The following FHIP2A variants were observed in gnomAD, a reference collection of about 807,000 sequenced individuals.
The protein encoded by FHIP2A is family with sequence similarity 160 member B1.
FHIP2A carries 46 observed loss-of-function variants against 93.5 expected under a neutral mutation model. The ratio of observed to expected loss-of-function variants is 0.49; its 90% CI spans 0.39 to 0.63. The LOEUF (loss-of-function observed/expected upper bound fraction) is 0.63. Ranked by LOEUF, FHIP2A falls within the 20% of genes least tolerant of loss-of-function variation. The probability of loss-of-function intolerance (pLI) is 0.00; values close to 1 mark genes in which losing one functional copy is unlikely to be tolerated. For missense variants in FHIP2A, 769 were observed against 909.7 expected, an observed-to-expected ratio of 0.85 and a Z score of 1.99; for synonymous variants, 332 against 326.5, an observed-to-expected ratio of 1.02 and a Z score of -0.18.
chr10:114,845,188 A>T (rs2083693279), intron 7 of FHIP2A, among the ~76,000 whole-genome samples, 179 bp from the exon 8 acceptor site: 1 of 151,894 alleles, frequency 6.6e-6, no homozygotes, highest in Non-Finnish European at 1.5e-5. Flanking sequence ...TATTTAAAAG[A>T]TTTTCTCTTA....
Position 114,845,995 on chromosome 10 carries a change from G to T in FHIP2A, c.1129-18G>T, listed in dbSNP as rs371782519. Reference sequence around the variant, plus strand: ...CTTTTATATTAAAAAAAAAAATGATGTTCCTACTATATTCTAGACTGCTGC... The same window carrying T: ...CTTTTATATTAAAAAAAAAAATGATTTTCCTACTATATTCTAGACTGCTGC... On this transcript the variant is annotated intron_variant, in intron 8 of 16. Coordinates refer to ENST00000369248, the MANE Select transcript of FHIP2A (RefSeq NM_020940.4). 6.4e-7 allele frequency: 1 copy of T among 1,552,154 alleles called. No homozygotes were observed. Among genetic ancestry groups the T allele is most frequent in the South Asian group, 1.2e-5 (1 of 84,496 alleles).
chr10:114,899,806 C>G, exon 17 of FHIP2A: 1 of 390,222 alleles, frequency 2.6e-6, no homozygotes, highest in Non-Finnish European at 4.5e-6. Flanking sequence ...ATCAATAAAA[C>G]ATCACCTGAT....
intron 16 of FHIP2A, among the ~76,000 whole-genome samples, chr10:114,892,736 A>T (rs1359600395): frequency 6.6e-6 from 1 of 152,186 alleles, no homozygotes; most frequent in African/African-American, 2.4e-5. Flanking sequence ...CATATCCAAC[A>T]ACAGAAAATC....
At chr10:114,879,349 CT>C (rs753314918) in intron 16 of FHIP2A, among the ~76,000 whole-genome samples, 4 of 152,180 alleles carry the variant, frequency 2.6e-5, no homozygotes, top group Non-Finnish European at 4.4e-5. Flanking sequence ...ACCTCCCTCC[CT>C]TGGGACATGG....
At chr10:114,825,467 C>A (rs937071397) in intron 1 of FHIP2A, among the ~76,000 whole-genome samples, 1 of 152,168 alleles carries the variant, frequency 6.6e-6, no homozygotes, top group Non-Finnish European at 1.5e-5. Flanking sequence ...AAGATATTTT[C>A]CAAAATTAAT....
At position 114,846,173 on chromosome 10, in the gene FHIP2A, A is replaced by G. The variant is rs1263341742; in HGVS notation, c.1206-2A>G. On this transcript the variant is annotated splice_acceptor_variant, in intron 9 of 16. Coordinates refer to ENST00000369248, the MANE Select transcript of FHIP2A (RefSeq NM_020940.4). LOFTEE classifies it high-confidence loss of function. The stretch of plus-strand genomic sequence containing the variant: ...CACTGACTACCTGTTCATTGTGCTC[A>G]GTTCTGAGATGGGTATTCTCACATC... The G allele has an allele frequency of 1.9e-6, 3 of 1,613,864 alleles. No homozygotes were observed. The highest frequency in any genetic ancestry group is 2.5e-6 in the Non-Finnish European group (3 of 1,179,928).
intron 13 of FHIP2A, among the ~76,000 whole-genome samples, chr10:114,849,234 C>G (rs1358299688): frequency 2.0e-5 from 3 of 150,706 alleles, no homozygotes; most frequent in Non-Finnish European, 4.4e-5. Flanking sequence ...GTCTCCATCT[C>G]AAGATTTCTT....
intron 6 of FHIP2A, 137 bp from the exon 7 acceptor site, chr10:114,843,604 A>G: frequency 1.4e-6 from 1 of 707,854 alleles, no homozygotes; most frequent in Non-Finnish European, 2.1e-6. Flanking sequence ...ACAGTTGGCC[A>G]ATAATATGCA....
Position 114,833,406 on chromosome 10 carries a change from A to G in FHIP2A, c.294+4A>G. The G allele has an allele frequency of 6.2e-7, 1 of 1,613,396 alleles. No homozygotes were observed. Among genetic ancestry groups the G allele is most frequent in the Middle Eastern group, 1.7e-4 (1 of 6,060 alleles). On this transcript the variant is annotated splice_donor_region_variant and intron_variant, in intron 3 of 16. Transcript: ENST00000369248. ...ATATACCTTGGGGAAAGCTGATGTAAGTTCCTGATCCACACCATGTTCTTG... is the reference window on the plus strand; with the variant it reads ...ATATACCTTGGGGAAAGCTGATGTAGGTTCCTGATCCACACCATGTTCTTG...
At chr10:114,849,824 T>C (rs1424692965) in intron 13 of FHIP2A, among the ~76,000 whole-genome samples, 2 of 152,192 alleles carry the variant, frequency 1.3e-5, no homozygotes, top group Admixed American at 6.5e-5. Context: ...TTTTTGTCTC[T>C]ATGACTTTGC....
chr10:114,899,569 C>T (rs2084017170), exon 17 of FHIP2A: 3 of 716,904 alleles, frequency 4.2e-6, no homozygotes, highest in Non-Finnish European at 7.8e-6. Flanking sequence ...CCAAAAGAAT[C>T]TCGATGGTTT....
chr10:114,841,801 TATG>T (rs1340277947), intron 5 of FHIP2A, among the ~76,000 whole-genome samples: 1 of 152,224 alleles, frequency 6.6e-6, no homozygotes, highest in Non-Finnish European at 1.5e-5. Flanking sequence ...AATATGTTTC[TATG>T]ATGATAGGCC....
chr10:114,832,970 T>G (rs993579597), intron 2 of FHIP2A, among the ~76,000 whole-genome samples: 6 of 152,140 alleles, frequency 3.9e-5, no homozygotes, highest in Admixed American at 3.9e-4. Flanking sequence ...TGCCTCGGCC[T>G]CCCAAAGTGC....
intron 5 of FHIP2A, among the ~76,000 whole-genome samples, chr10:114,839,969 A>G (rs1033861185): frequency 6.6e-6 from 1 of 152,078 alleles, no homozygotes; most frequent in African/African-American, 2.4e-5. Context: ...ATGTTCAGAT[A>G]CTGTAATCTA....
At chr10:114,875,916 G>GAA (rs61218530) in intron 16 of FHIP2A, among the ~76,000 whole-genome samples, 1 of 119,736 alleles carries the variant, frequency 8.4e-6, no homozygotes, top group South Asian at 2.9e-4. Flanking sequence ...GAAAGAGAAA[G>GAA]AAAGAAAGAA....
chr10:114,863,714 A>G lies in FHIP2A; in HGVS notation c.*2174A>G. The G allele has an allele frequency of 1.5e-6, 2 of 1,298,532 alleles. No homozygotes were observed. The highest frequency in any genetic ancestry group is 2.0e-6 in the Non-Finnish European group (2 of 987,198). The allele number at this position is 1,298,532 out of a possible 1,614,324, so 80.4% of individuals were successfully genotyped here. A position where few individuals can be genotyped will look rare whatever the true frequency, so the allele number is the denominator to read the frequency against. The stretch of plus-strand genomic sequence containing the variant: ...ATTTGTTAGTGAAACATTGTACTGC[A>G]TCACCAGTTTTTCTTACCTTCTGTT... On this transcript the variant is annotated 3_prime_UTR_variant, in exon 17 of 17. Coordinates refer to ENST00000369248, the MANE Select transcript of FHIP2A (RefSeq NM_020940.4).
chr10:114,823,038 A>G (rs912069476), intron 1 of FHIP2A, among the ~76,000 whole-genome samples: 2 of 152,096 alleles, frequency 1.3e-5, no homozygotes, highest in African/African-American at 4.8e-5. Flanking sequence ...AAATTGAAAA[A>G]TGCATTCTGT....
intron 1 of FHIP2A, among the ~76,000 whole-genome samples, chr10:114,824,629 CAT>C (rs1456023886): frequency 1.3e-5 from 2 of 152,198 alleles, no homozygotes; most frequent in African/African-American, 4.8e-5. Context: ...GGAATGAACT[CAT>C]GTGCAATGAT....
At chr10:114,882,365 G>C (rs1326705804) in intron 16 of FHIP2A, among the ~76,000 whole-genome samples, 2 of 152,166 alleles carry the variant, frequency 1.3e-5, no homozygotes, top group Non-Finnish European at 2.9e-5. Context: ...CCTCATCACA[G>C]TCTACATGGT....
Sources: allele counts gnomAD v4.1 joint callset (sites outside exome capture counted in the v4.1 genomes callset), GRCh38; gene constraint gnomAD v4.1.1; transcripts MANE v1.5; gene names NCBI Gene and HGNC (gene_info 2026-07-23, HGNC 2026-07-21).